MAPKBP1: variants seen among roughly 807,000 people sequenced by gnomAD.
MAPKBP1 encodes the protein mitogen-activated protein kinase-binding protein 1.
In MAPKBP1, 71 loss-of-function variants were observed where a neutral mutation model predicts 170.5. The ratio of observed to expected loss-of-function variants is 0.42; its 90% CI spans 0.34 to 0.51. The LOEUF (loss-of-function observed/expected upper bound fraction) is 0.51. Among genes scored for constraint, MAPKBP1 ranks in the 20% least tolerant of loss-of-function variants. The pLI, the probability that MAPKBP1 is intolerant of heterozygous loss-of-function variation, is 0.06. For missense variants in MAPKBP1, 1,598 were observed against 1,933.0 expected, an observed-to-expected ratio of 0.83 and a Z score of 3.25; for synonymous variants, 719 against 757.9, an observed-to-expected ratio of 0.95 and a Z score of 0.84.
rs145572736 is a variant in MAPKBP1 at position 41,812,067 on chromosome 15, C to T, written c.438C>T (p.Ala146=). The T allele has an allele frequency of 6.8e-6, 11 of 1,614,106 alleles. No homozygotes were observed. The African/African-American group carries it at 1.2e-4, about 18-fold the overall frequency. Residue 146 remains alanine, a synonymous_variant, in exon 6 of 31, where the codon GCC becomes GCT. Coordinates refer to ENST00000457542, the MANE Select transcript of MAPKBP1 (RefSeq NM_014994.3). The stretch of plus-strand genomic sequence containing the variant: ...CTTGTGTGGCCTTCTCTCCTAGCGC[C>T]AAGTACATTGTCTCTGTGGGCTACC... ...GVACVAFSPS[A]KYIVSVGYQH... is the part of the protein sequence containing the mutation.
At chr15:41,812,717 G>A (rs1596087524) in intron 7 of MAPKBP1, 64 bp downstream of exon 7, 1 of 1,528,330 alleles carries the variant, frequency 6.5e-7, no homozygotes, top group East Asian at 2.3e-5. Context: ...GCCCAACCCA[G>A]GAGACTCTGC....
chr15:41,819,065 C>G, intron 20 of MAPKBP1, 108 bp downstream of exon 20: 1 of 1,524,286 alleles, frequency 6.6e-7, no homozygotes, highest in Admixed American at 1.8e-5. Context: ...CTCTGTCTCC[C>G]AAGACCTTAC....
At chr15:41,795,019 G>A (rs1278284688) in intron 2 of MAPKBP1, among the ~76,000 whole-genome samples, 1 of 151,962 alleles carries the variant, frequency 6.6e-6, no homozygotes, top group Non-Finnish European at 1.5e-5. Flanking sequence ...ACAAAAATTA[G>A]CCGGGCATGA....
chr15:41,802,475 T>C (rs971525700), intron 3 of MAPKBP1, among the ~76,000 whole-genome samples: 6 of 152,144 alleles, frequency 3.9e-5, no homozygotes, highest in Non-Finnish European at 8.8e-5. Context: ...AAAATATCTT[T>C]CTTTTATCTT....
chr15:41,786,777 A>AAAT, intron 2 of MAPKBP1, among the ~76,000 whole-genome samples: 9 of 32,456 alleles, frequency 2.8e-4, no homozygotes, highest in African/African-American at 6.6e-4. Context: ...AAAAAAAAAA[A>AAAT]ATATATATAT....
Position 41,818,618 on chromosome 15 carries a change from T to C in MAPKBP1, c.2156+36T>C, listed in dbSNP as rs1487913557. ...GCCAGCTTCCCTGAGAGGCAGATTC[T>C]TACTCTGCCACAGCACCCTGCCCTC... On this transcript the variant is annotated intron_variant, in intron 19 of 30. Transcript: ENST00000457542. This position sits in a 1 kb window ranked among gnomAD's most constrained non-coding sequence, Gnocchi z 5.2. The C allele has an allele frequency of 1.3e-6, 2 of 1,581,842 alleles. No homozygotes were observed. The highest frequency in any genetic ancestry group is 1.7e-5 in the Admixed American group (1 of 58,546).
rs1243938449 is a variant in MAPKBP1 at position 41,818,951 on chromosome 15, C to A, written c.2285C>A (p.Pro762His). The change falls in exon 20 of 31, where the codon CCC (proline) becomes CAC (histidine). Residue 762 changes from proline (P) to histidine (H), a missense_variant. Pro to His is a moderately conservative substitution (Grantham distance 77). Coordinates refer to ENST00000457542, the MANE Select transcript of MAPKBP1 (RefSeq NM_014994.3). This position sits in a 1 kb window ranked among gnomAD's most constrained non-coding sequence, Gnocchi z 5.2. ...TCCTCTCCCCAAAGGGCTTCTGGAC[C>A]CAACCGGTGAGAACAGAATGTGGGC... is the stretch of plus-strand genomic sequence containing the variant. Reference protein sequence around the residue: ...GPSSPQRASGPNRHQAPSMLS... With the variant: ...GPSSPQRASGHNRHQAPSMLS... 3 of 1,613,972 alleles carry A rather than the reference C, an allele frequency of 1.9e-6. No individual in the cohort carries two copies. In the African/African-American group the frequency reaches 4.0e-5, roughly 22 times the overall value.
intron 21 of MAPKBP1, 42 bp from the exon 22 acceptor site, chr15:41,819,553 G>GGGT: frequency 1.3e-6 from 2 of 1,502,874 alleles, no homozygotes; most frequent in Non-Finnish European, 1.8e-6. Context: ...GTGGCGGGGG[G>GGGT]GGGGCAGGAG....
chr15:41,786,656 TC>T (rs1205446019), intron 2 of MAPKBP1, among the ~76,000 whole-genome samples: 1 of 148,426 alleles, frequency 6.7e-6, no homozygotes, highest in Admixed American at 6.7e-5. Flanking sequence ...TCCCAGCTAC[TC>T]AGGAGGCTGA....
At chr15:41,780,759 TAAA>T (rs5812202) in intron 2 of MAPKBP1, among the ~76,000 whole-genome samples, 2 of 139,052 alleles carry the variant, frequency 1.4e-5, no homozygotes. Context: ...TCTGTTACCT[TAAA>T]AAAAAAAAAA....
intron 2 of MAPKBP1, among the ~76,000 whole-genome samples, chr15:41,790,367 C>T (rs1222977404): frequency 6.6e-6 from 1 of 152,144 alleles, no homozygotes; most frequent in Non-Finnish European, 1.5e-5. Flanking sequence ...CAGAATCTTG[C>T]AGTCAGGGGA....
chr15:41,817,993 A>G lies in MAPKBP1; in HGVS notation c.1905-16A>G. The G allele has an allele frequency of 6.2e-7, 1 of 1,613,382 alleles. No individual in the cohort carries two copies. On this transcript the variant is annotated splice_polypyrimidine_tract_variant and intron_variant, in intron 16 of 30. Transcript: ENST00000457542. The surrounding 1 kb of genome is among the most constrained non-coding windows in gnomAD (Gnocchi z 4.2). ...TTCACCGCCTCCTCATGAGAAAGAG[A>G]CTATGTTTCTTACAGGATATTTAAC... is the stretch of plus-strand genomic sequence containing the variant.
At position 41,824,536 on chromosome 15, in the gene MAPKBP1, C is replaced by T. The variant is rs747049995; in HGVS notation, c.4266C>T (p.Gly1422=). 3 of 1,602,446 alleles carry T rather than the reference C, an allele frequency of 1.9e-6. No homozygotes were observed. The highest frequency in any genetic ancestry group is 2.6e-6 in the Non-Finnish European group (3 of 1,175,620). ...QCEQLVAELR[G]SVRQAVRLYH... ...AGCAGCTGGTGGCAGAGCTCCGCGG[C>T]AGCGTGCGCCAGGCAGTGCGGCTCT... Residue 1422 remains glycine (G), a synonymous_variant, in exon 30 of 31, where the codon GGC becomes GGT. Transcript: ENST00000457542.
chr15:41,819,799 A>G, intron 22 of MAPKBP1, 149 bp downstream of exon 22: 1 of 811,332 alleles, frequency 1.2e-6, no homozygotes. Context: ...TTGTCGGGGA[A>G]GTTGAAGCAG....
chr15:41,813,158 C>T, intron 8 of MAPKBP1, 57 bp downstream of exon 8: 1 of 1,560,666 alleles, frequency 6.4e-7, no homozygotes, highest in Non-Finnish European at 8.7e-7. Context: ...CAGGGGAGAA[C>T]TAGTGCCCAG....
Position 41,815,804 on chromosome 15 carries a change from T to C in MAPKBP1, c.1493+5T>C. 6.2e-7 allele frequency: 1 copy of C among 1,610,432 alleles called. No individual in the cohort carries two copies. Among genetic ancestry groups the C allele is most frequent in the Non-Finnish European group, 8.5e-7 (1 of 1,176,902 alleles). On this transcript the variant is annotated splice_donor_5th_base_variant and intron_variant, in intron 12 of 30. Coordinates refer to ENST00000457542, the MANE Select transcript of MAPKBP1 (RefSeq NM_014994.3). ...GGACCGTATGGGCACACTTAGGTAA[T>C]GCCAGGCCCTGGGTGGGTACTGACT...
At position 41,795,576 on chromosome 15, in the gene MAPKBP1, C is replaced by T. The variant is rs114503791; in HGVS notation, c.115-4247C>T. On this transcript the variant is annotated intron_variant, in intron 2 of 30. Coordinates refer to ENST00000457542, the MANE Select transcript of MAPKBP1 (RefSeq NM_014994.3). ...TTTGGGCAAAATGATGACATGATTT[C>T]ATTTATATTATATTTTATTTTTATT... Among the ~76,000 whole-genome samples the T allele has an allele frequency of 8.0e-3, 1,215 of 151,984 alleles. 10 individuals are homozygous for T. The highest frequency in any genetic ancestry group is 0.028 in the African/African-American group (1,167 of 41,500).
chr15:41,815,610 AC>A lies in MAPKBP1; in HGVS notation c.1318-12del. 2 of 1,610,132 alleles carry A rather than the reference AC, an allele frequency of 1.2e-6. No homozygotes were observed. Among genetic ancestry groups the A allele is most frequent in the Non-Finnish European group, 1.7e-6 (2 of 1,177,166 alleles). ...AGGCCTGCCTCATCCACCTTTTCTA[AC>A]CTGTTCCACTAGGACCTCATTAAAA... On this transcript the variant is annotated splice_polypyrimidine_tract_variant and intron_variant, in intron 11 of 30. Coordinates refer to ENST00000457542, the MANE Select transcript of MAPKBP1 (RefSeq NM_014994.3).
At position 41,812,195 on chromosome 15, in the gene MAPKBP1, C is replaced by G. The variant is rs1596087058; in HGVS notation, c.498+68C>G. On this transcript the variant is annotated intron_variant, in intron 6 of 30. Transcript: ENST00000457542. ...AAGTGTCAGCTGGGGAGGCAAGAGACTGCTGACCTGCACTGCTCCATTCCA... is the reference window on the plus strand; with the variant it reads ...AAGTGTCAGCTGGGGAGGCAAGAGAGTGCTGACCTGCACTGCTCCATTCCA... The G allele has an allele frequency of 5.1e-6, 8 of 1,576,362 alleles. No homozygotes were observed. The South Asian group carries it at 9.1e-5, about 18-fold the overall frequency.
Sources: allele counts gnomAD v4.1 joint callset (sites outside exome capture counted in the v4.1 genomes callset), GRCh38; gene constraint gnomAD v4.1.1; non-coding constraint Gnocchi (gnomAD v3.1); transcripts MANE v1.5; gene names NCBI Gene and HGNC (gene_info 2026-07-23, HGNC 2026-07-21).